KIF16B: variants seen among roughly 807,000 people sequenced by gnomAD.
KIF16B encodes the protein kinesin family member 16B, also known as kinesin-like protein KIF16B.
KIF16B carries 98 observed loss-of-function variants against 156.3 expected under a neutral mutation model. The observed-to-expected ratio is 0.63, with a 90% CI of 0.53 to 0.74. KIF16B has a LOEUF of 0.74. Ranked by LOEUF, KIF16B falls within the 30% of genes least tolerant of loss-of-function variation. The pLI is 0.00. For missense variants in KIF16B, 1,421 were observed against 1,606.5 expected (o/e 0.88, Z 1.97); for synonymous variants, 564 against 583.7 (o/e 0.97, Z 0.49).
In KIF16B at chr20:16,539,304, C is replaced by T. The variant is rs142279583; in HGVS notation, c.48-10864G>A. Reference sequence around the variant, plus strand: ...TGGTTAAATAGTTGTGACCAAAATGCTGATAGTGATACAAACAGTGAGAGC... The same window carrying T: ...TGGTTAAATAGTTGTGACCAAAATGTTGATAGTGATACAAACAGTGAGAGC... On this transcript the variant is annotated intron_variant, in intron 1 of 25. Transcript: ENST00000354981. 3.1e-3 allele frequency among the ~76,000 whole-genome samples: 469 copies of T among 152,286 alleles called. 4 individuals are homozygous for T. Among genetic ancestry groups the T allele is most frequent in the African/African-American group, 0.011 (458 of 41,566 alleles).
intron 12 of KIF16B, among the ~76,000 whole-genome samples, chr20:16,434,753 G>T (rs145983547): frequency 6.6e-6 from 1 of 152,086 alleles, no homozygotes; most frequent in Non-Finnish European, 1.5e-5. Context: ...GAACAGACAA[G>T]AATGAAATGT....
chr20:16,300,101 C>A (rs1019198259), intron 25 of KIF16B, among the ~76,000 whole-genome samples: 1 of 152,188 alleles, frequency 6.6e-6, no homozygotes, highest in African/African-American at 2.4e-5. Flanking sequence ...GTGATTACGA[C>A]ATATTTCCTT....
chr20:16,426,564 T>A (rs956387475), intron 15 of KIF16B, among the ~76,000 whole-genome samples: 1 of 152,152 alleles, frequency 6.6e-6, no homozygotes, highest in African/African-American at 2.4e-5. Flanking sequence ...CTAATGTAGA[T>A]GTCAGTGTTT....
chr20:16,360,689 C>T (rs997673422), intron 22 of KIF16B, among the ~76,000 whole-genome samples: 1 of 152,120 alleles, frequency 6.6e-6, no homozygotes, highest in African/African-American at 2.4e-5. Context: ...TTTCTGATAG[C>T]TTTTAATGAA....
chr20:16,365,262 A>G (rs1274071524), intron 22 of KIF16B, among the ~76,000 whole-genome samples: 1 of 152,220 alleles, frequency 6.6e-6, no homozygotes, highest in Non-Finnish European at 1.5e-5. Flanking sequence ...TAGGAGAAAT[A>G]TTATTAAGAT....
intron 12 of KIF16B, among the ~76,000 whole-genome samples, chr20:16,487,155 A>C (rs1287585004): frequency 6.6e-6 from 1 of 152,074 alleles, no homozygotes; most frequent in East Asian, 1.9e-4. Flanking sequence ...TGGGAGGCTG[A>C]GGCAGGAGAA....
At chr20:16,326,941 C>A (rs1471578692) in intron 24 of KIF16B, among the ~76,000 whole-genome samples, 1 of 150,144 alleles carries the variant, frequency 6.7e-6, no homozygotes, top group Non-Finnish European at 1.5e-5. Flanking sequence ...GCCCATCAAC[C>A]AAGTGGATAA....
At chr20:16,324,025 C>T (rs2063808121) in intron 24 of KIF16B, among the ~76,000 whole-genome samples, 1 of 151,864 alleles carries the variant, frequency 6.6e-6, no homozygotes, top group African/African-American at 2.4e-5. Flanking sequence ...TTCATATGTG[C>T]CACAAACATT....
intron 22 of KIF16B, among the ~76,000 whole-genome samples, chr20:16,359,208 T>C (rs563884955): frequency 2.0e-5 from 3 of 152,206 alleles, no homozygotes; most frequent in Non-Finnish European, 4.4e-5. Context: ...GGAGTTGTAA[T>C]AATCTTGGTG....
chr20:16,360,451 T>TA (rs1161074323), intron 22 of KIF16B, among the ~76,000 whole-genome samples: 2 of 152,262 alleles, frequency 1.3e-5, no homozygotes, highest in African/African-American at 4.8e-5. Flanking sequence ...AAAAGATTCT[T>TA]AGACTCTGAA....
At chr20:16,323,072 T>C (rs987700721) in intron 24 of KIF16B, among the ~76,000 whole-genome samples, 1 of 152,074 alleles carries the variant, frequency 6.6e-6, no homozygotes. Flanking sequence ...TGAGAACTAA[T>C]AAAGTTGTGG....
At chr20:16,484,288 T>C (rs6034499) in intron 12 of KIF16B, among the ~76,000 whole-genome samples, 18,058 of 152,280 alleles carry the variant, frequency 0.12, 1,356 homozygotes, top group Non-Finnish European at 0.17. Context: ...ATGGTAGGTT[T>C]GGCATCAGTA....
intron 1 of KIF16B, among the ~76,000 whole-genome samples, chr20:16,533,170 A>C (rs1234372940): frequency 6.6e-6 from 1 of 152,206 alleles, no homozygotes; most frequent in East Asian, 1.9e-4. Flanking sequence ...CTGGCTGGGA[A>C]GGGGGATCAG....
intron 17 of KIF16B, among the ~76,000 whole-genome samples, chr20:16,389,546 A>G (rs2146148679): frequency 6.6e-6 from 1 of 152,294 alleles, no homozygotes; most frequent in South Asian, 2.1e-4. Context: ...TAGACAAAAA[A>G]TGATTGACCT....
At chr20:16,323,215 T>G (rs1002763269) in intron 24 of KIF16B, among the ~76,000 whole-genome samples, 3 of 152,024 alleles carry the variant, frequency 2.0e-5, no homozygotes, top group African/African-American at 7.2e-5. Context: ...TTACCCAATT[T>G]TTAAAGATTA....
At chr20:16,385,713 G>A (rs927358010) in intron 17 of KIF16B, among the ~76,000 whole-genome samples, 3 of 152,136 alleles carry the variant, frequency 2.0e-5, no homozygotes, top group African/African-American at 7.2e-5. Flanking sequence ...CCTGGGGAGT[G>A]GCAGCTGTAG....
chr20:16,558,564 T>C (rs150519250), intron 1 of KIF16B, among the ~76,000 whole-genome samples: 1 of 152,296 alleles, frequency 6.6e-6, no homozygotes, highest in Non-Finnish European at 1.5e-5. Flanking sequence ...TCTGTTTACA[T>C]GGCAAAAGAT....
At chr20:16,440,032 A>T (rs2066750861) in intron 12 of KIF16B, among the ~76,000 whole-genome samples, 1 of 152,156 alleles carries the variant, frequency 6.6e-6, no homozygotes, top group South Asian at 2.1e-4. Flanking sequence ...ACTCCCAGAC[A>T]CACTCTATCA....
At chr20:16,310,818 G>A (rs770985164) in intron 25 of KIF16B, among the ~76,000 whole-genome samples, 6 of 152,206 alleles carry the variant, frequency 3.9e-5, no homozygotes, top group Non-Finnish European at 5.9e-5. Context: ...CTTCAGATGT[G>A]TAACTCTGTA....
Sources: gnomAD v4.1 joint callset for allele counts (sites outside exome capture counted in the v4.1 genomes callset) on GRCh38, gnomAD v4.1.1 for gene constraint, MANE v1.5 for transcripts, NCBI Gene and HGNC (gene_info 2026-07-23, HGNC 2026-07-21) for gene names.